The following UGGT1 variants were observed in gnomAD, a reference collection of about 807,000 sequenced individuals.
UGGT1 encodes UDP-glucose:glycoprotein glucosyltransferase 1.
In UGGT1, 107 loss-of-function variants were observed where a neutral mutation model predicts 203.9. The observed-to-expected ratio is 0.52, with a 90% CI of 0.45 to 0.62. UGGT1 has a LOEUF of 0.62. UGGT1 is among the 20% of genes least tolerant of loss of function. The pLI, the probability that UGGT1 is intolerant of heterozygous loss-of-function variation, is 0.00. For synonymous variants in UGGT1, 628 were observed against 653.5 expected (o/e 0.96, Z 0.59); for missense variants, 1,673 against 1,867.2 (o/e 0.90, Z 1.92).
At chr2:128,182,698 C>CAAAAAAAAA (rs70988612) in intron 37 of UGGT1, among the ~76,000 whole-genome samples, 23,152 of 115,950 alleles carry the variant, frequency 0.2, 2,744 homozygotes, top group African/African-American at 0.26. Context: ...GATTCCATCT[C>CAAAAAAAAA]AAAAAAAAAA....
rs1025831616 is a variant in UGGT1, at chr2:128,091,459, G to C, written c.58+44G>C. On this transcript the variant is annotated intron_variant, in intron 1 of 40. Coordinates refer to ENST00000259253, the MANE Select transcript of UGGT1 (RefSeq NM_020120.4). ...AGGAGGCCTCGTGGACAAAGAGAGGGTTTGGGGCACAAGGCGACCCTGTGC... is the reference window on the plus strand; with the variant it reads ...AGGAGGCCTCGTGGACAAAGAGAGGCTTTGGGGCACAAGGCGACCCTGTGC... The C allele has an allele frequency of 3.2e-6, 5 of 1,556,722 alleles. No individual in the cohort carries two copies. In the African/African-American group the frequency reaches 6.8e-5, roughly 21 times the overall value.
chr2:128,129,062 A>G lies in UGGT1; in HGVS notation c.1260A>G (p.Val420=), dbSNP rs1688750870. The change falls in exon 13 of 41, where the codon GTA becomes GTG. Residue 420 remains valine (V), a synonymous_variant. Coordinates refer to ENST00000259253, the MANE Select transcript of UGGT1 (RefSeq NM_020120.4). ...LFDVLRNEAR[V]MEGLHRLGIE... ...ATGTGTTGAGGAATGAAGCTCGGGTAATGGAGGGTCTGCATAGATTGGGAA... is the reference window on the plus strand; with the variant it reads ...ATGTGTTGAGGAATGAAGCTCGGGTGATGGAGGGTCTGCATAGATTGGGAA... The G allele has an allele frequency of 6.2e-7, 1 of 1,612,594 alleles. No individual in the cohort carries two copies. Among genetic ancestry groups the G allele is most frequent in the African/African-American group, 1.3e-5 (1 of 74,798 alleles).
intron 3 of UGGT1, among the ~76,000 whole-genome samples, chr2:128,106,851 A>G (rs776426799): frequency 1.3e-5 from 2 of 152,018 alleles, no homozygotes; most frequent in Non-Finnish European, 2.9e-5. Flanking sequence ...TGCCCTGCCT[A>G]TTTCTATTTT....
chr2:128,178,694 T>C (rs945424038), intron 34 of UGGT1, 125 bp downstream of exon 34: 1 of 788,268 alleles, frequency 1.3e-6, no homozygotes, highest in Non-Finnish European at 2.0e-6. Context: ...CTCTGAGCAT[T>C]GTGACTGGCT....
intron 35 of UGGT1, 51 bp downstream of exon 35, chr2:128,179,921 G>A (rs1361565507): frequency 6.5e-7 from 1 of 1,530,412 alleles, no homozygotes; most frequent in South Asian, 1.2e-5. Context: ...GATATTTACT[G>A]TATATTTTTC....
chr2:128,128,228 C>T (rs1246212749), intron 12 of UGGT1, among the ~76,000 whole-genome samples: 1 of 151,964 alleles, frequency 6.6e-6, no homozygotes, highest in Non-Finnish European at 1.5e-5. Flanking sequence ...CAGACAGGCA[C>T]AATTCAGACT....
intron 7 of UGGT1, 131 bp downstream of exon 7, chr2:128,115,351 G>T: frequency 1.3e-6 from 1 of 743,740 alleles, no homozygotes; most frequent in Non-Finnish European, 2.2e-6. Context: ...TGTTACACCT[G>T]AGTGGGTGAC....
chr2:128,120,215 T>G, intron 8 of UGGT1, 141 bp from the exon 9 acceptor site: 1 of 657,724 alleles, frequency 1.5e-6, no homozygotes, highest in South Asian at 1.9e-5. Flanking sequence ...GGAATAATTA[T>G]ACTTCATTTT....
chr2:128,112,453 G>GA (rs1687901606), intron 5 of UGGT1, among the ~76,000 whole-genome samples: 1 of 10,876 alleles, frequency 9.2e-5, no homozygotes, highest in Non-Finnish European at 6.2e-4. Context: ...AAAATACTAT[G>GA]TTATATATAT....
intron 24 of UGGT1, 88 bp downstream of exon 24, chr2:128,160,679 G>T: frequency 6.7e-7 from 1 of 1,488,364 alleles, no homozygotes. Context: ...TCTTCAGACA[G>T]AGCCACTCTT....
At chr2:128,166,797 G>C (rs1029665712) in intron 26 of UGGT1, among the ~76,000 whole-genome samples, 2 of 152,192 alleles carry the variant, frequency 1.3e-5, no homozygotes, top group African/African-American at 2.4e-5. Flanking sequence ...TACACTGATT[G>C]TGCCTCGGAA....
intron 3 of UGGT1, among the ~76,000 whole-genome samples, chr2:128,104,917 G>A (rs943107778): frequency 3.3e-5 from 5 of 152,120 alleles, no homozygotes; most frequent in African/African-American, 1.2e-4. Flanking sequence ...AAAGTGCTGG[G>A]ATTACAGGCA....
chr2:128,159,464 A>T, intron 22 of UGGT1, 50 bp from the exon 23 acceptor site: 1 of 1,539,606 alleles, frequency 6.5e-7, no homozygotes, highest in Non-Finnish European at 9.0e-7. Flanking sequence ...GCTGCTTTTT[A>T]AGTTCAAAAA....
intron 25 of UGGT1, among the ~76,000 whole-genome samples, chr2:128,162,340 T>C (rs1416270947): frequency 6.6e-6 from 1 of 151,940 alleles, no homozygotes; most frequent in Non-Finnish European, 1.5e-5. Flanking sequence ...TGATGCATAG[T>C]TGGAGGATAT....
At chr2:128,126,304 G>T (rs963045284) in intron 11 of UGGT1, among the ~76,000 whole-genome samples, 1 of 151,176 alleles carries the variant, frequency 6.6e-6, no homozygotes, top group Non-Finnish European at 1.5e-5. Context: ...GCAGTGGCAT[G>T]ATCTAGGCTC....
intron 15 of UGGT1, among the ~76,000 whole-genome samples, chr2:128,137,566 A>C (rs368946801): frequency 6.6e-6 from 1 of 152,202 alleles, no homozygotes; most frequent in Admixed American, 6.5e-5. Flanking sequence ...GTGAAGTCCA[A>C]ATTAACCAAG....
At chr2:128,131,291 C>T (rs1320601862) in intron 13 of UGGT1, among the ~76,000 whole-genome samples, 3 of 150,736 alleles carry the variant, frequency 2.0e-5, no homozygotes, top group Admixed American at 6.6e-5. Context: ...CGGTGGCTCA[C>T]GCCAGTAATC....
rs767772350 is a variant in UGGT1, at chr2:128,164,776, C to T, written c.2872C>T (p.Pro958Ser). 2 of 1,612,348 alleles carry T rather than the reference C, an allele frequency of 1.2e-6. No homozygotes were observed. Among genetic ancestry groups the T allele is most frequent in the South Asian group, 2.2e-5 (2 of 90,784 alleles). The change falls in exon 26 of 41, where the codon CCA (proline) becomes TCA (serine). Residue 958 changes from proline to serine, a missense_variant. Around this residue, in one of 4 missense-constraint regions of UGGT1, gnomAD observed 1,073 missense variants for 1,078.7 expected, o/e 0.99. Transcript: ENST00000259253. ...GGTGGATGCTCTTCTGTCAGCGCAA[C>T]CAAAAGGAGATCCAAGAATCGAGTA... ...MKVDALLSAQ[P>S]KGDPRIEYQF...
intron 21 of UGGT1, among the ~76,000 whole-genome samples, 196 bp downstream of exon 21, chr2:128,156,611 G>A (rs912176605): frequency 1.1e-4 from 17 of 148,152 alleles, no homozygotes; most frequent in African/African-American, 4.3e-4. Context: ...AGGCTGGAGT[G>A]CAGTACCATG....
Sources: gnomAD v4.1 joint callset for allele counts (sites outside exome capture counted in the v4.1 genomes callset) on GRCh38, gnomAD v4.1.1 for gene constraint, gnomAD v4.1.1 regional missense constraint, MANE v1.5 for transcripts, NCBI Gene and HGNC (gene_info 2026-07-23, HGNC 2026-07-21) for gene names.